The following STRN3 variants were observed in gnomAD, a reference collection of about 807,000 sequenced individuals.
STRN3 encodes the protein striatin 3, also known as striatin-3.
STRN3 carries 29 observed loss-of-function variants against 95.6 expected under a neutral mutation model. The ratio of observed to expected loss-of-function variants is 0.30; its 90% confidence interval spans 0.23 to 0.41. STRN3 has a LOEUF of 0.41. STRN3 is among the 10% of genes least tolerant of loss of function. The pLI is 1.00. For missense variants in STRN3, 890 were observed against 972.1 expected, an observed-to-expected ratio of 0.92 and a Z score of 1.12; for synonymous variants, 331 against 357.6, an observed-to-expected ratio of 0.93 and a Z score of 0.84.
chr14:30,974,621 A>AAC (rs1555322947), intron 1 of STRN3, among the ~76,000 whole-genome samples: 1 of 151,668 alleles, frequency 6.6e-6, no homozygotes, highest in Non-Finnish European at 1.5e-5. Context: ...AAAAAAAAAA[A>AAC]AACCTTGAAA....
intron 1 of STRN3, among the ~76,000 whole-genome samples, chr14:31,006,118 C>CA (rs370320880): frequency 0.32 from 24,159 of 74,716 alleles, 2,886 homozygotes; most frequent in Middle Eastern, 0.42. Flanking sequence ...GACTCTGTCT[C>CA]AAAAAAAAAA....
chr14:31,013,899 A>AGACAGAGTG, intron 1 of STRN3, among the ~76,000 whole-genome samples: 3 of 119,436 alleles, frequency 2.5e-5, no homozygotes, highest in Non-Finnish European at 2.0e-5. Context: ...TATTATTATT[A>AGACAGAGTG]TTATTATTAT....
chr14:31,017,910 T>C (rs1883317731), intron 1 of STRN3, among the ~76,000 whole-genome samples: 1 of 151,826 alleles, frequency 6.6e-6, no homozygotes, highest in African/African-American at 2.4e-5. Context: ...ACCCCGTATC[T>C]ACTAAAAATA....
At position 30,911,159 on chromosome 14, in the gene STRN3, G is replaced by T. The variant is rs1437488994; in HGVS notation, c.1602C>A (p.Gly534=). 4.3e-6 allele frequency: 7 copies of T among 1,609,838 alleles called. No homozygotes were observed. Among genetic ancestry groups the T allele is most frequent in the Non-Finnish European group, 5.9e-6 (7 of 1,179,104 alleles). The change falls in exon 13 of 18, where the codon GGC becomes GGA. Residue 534 remains glycine (G), a synonymous_variant. Transcript: ENST00000357479. ...AACTAATAGCTAATGACAGAACAGG[G>T]CCGCTATTGTAGGAAGAGAGGAAAA... ...EPIYTFRAHI[G]PVLSLAISSN...
chr14:31,013,545 A>G (rs1038211250), intron 1 of STRN3, among the ~76,000 whole-genome samples: 3 of 152,152 alleles, frequency 2.0e-5, no homozygotes, highest in African/African-American at 7.2e-5. Flanking sequence ...GGGGGGTGGT[A>G]GACAGGATCA....
chr14:30,955,198 A>G (rs1366405788), intron 3 of STRN3, among the ~76,000 whole-genome samples: 1 of 152,178 alleles, frequency 6.6e-6, no homozygotes, highest in Non-Finnish European at 1.5e-5. Context: ...TGGAAGCTCT[A>G]AAGTTCTGCT....
chr14:30,898,139 G>A (rs1470015651), intron 16 of STRN3, among the ~76,000 whole-genome samples: 5 of 152,058 alleles, frequency 3.3e-5, no homozygotes, highest in African/African-American at 1.2e-4. Context: ...ACCATGCCTG[G>A]CTAATTTTTA....
At chr14:30,929,968 A>AAAAC (rs1878437192) in intron 7 of STRN3, among the ~76,000 whole-genome samples, 2 of 121,944 alleles carry the variant, frequency 1.6e-5, no homozygotes, top group African/African-American at 5.7e-5. Flanking sequence ...AAAAAAAAAA[A>AAAAC]AAAAAAAAAA....
At chr14:31,010,362 T>C (rs952532795) in intron 1 of STRN3, among the ~76,000 whole-genome samples, 1 of 145,162 alleles carries the variant, frequency 6.9e-6, no homozygotes, top group African/African-American at 2.5e-5. Context: ...GTATATCTCC[T>C]AATGCTATCC....
chr14:30,972,059 G>C (rs1222094556), intron 1 of STRN3, among the ~76,000 whole-genome samples: 2 of 152,176 alleles, frequency 1.3e-5, no homozygotes, highest in Admixed American at 6.5e-5. Context: ...TGTTAGATAT[G>C]AGTTCTAAAT....
At chr14:30,940,620 C>T (rs888801798) in intron 5 of STRN3, among the ~76,000 whole-genome samples, 1 of 151,956 alleles carries the variant, frequency 6.6e-6, no homozygotes, top group Non-Finnish European at 1.5e-5. Context: ...TGATTATGGC[C>T]GCTGTATGGA....
chr14:30,950,873 G>A lies in STRN3; in HGVS notation c.532C>T (p.Leu178Phe). The A allele has an allele frequency of 2.5e-6, 4 of 1,613,754 alleles. No homozygotes were observed. The highest frequency in any genetic ancestry group is 3.4e-6 in the Non-Finnish European group (4 of 1,179,850). Residue 178 changes from leucine to phenylalanine, a missense_variant, in exon 4 of 18, where the codon CTT (leucine) becomes TTT (phenylalanine). Physicochemically the swap from Leu to Phe is conservative, Grantham distance 22. Coordinates refer to ENST00000357479, the MANE Select transcript of STRN3 (RefSeq NM_001083893.2). ...TAAGTAATTACTCACTGTCTTAAAAGCTGTCTGCCTTGCTTCCACGTTAAC... is the reference window on the plus strand; with the variant it reads ...TAAGTAATTACTCACTGTCTTAAAAACTGTCTGCCTTGCTTCCACGTTAAC... ...SQLTWKQGRQ[L>F]LRQYLQEVGY...
chr14:31,025,611 G>T, intron 1 of STRN3: 1 of 479,032 alleles, frequency 2.1e-6, no homozygotes. Context: ...CCGGAGGCCC[G>T]GGAAGGCCGC....
intron 1 of STRN3, among the ~76,000 whole-genome samples, chr14:30,973,380 GAGAC>G (rs1880933425): frequency 6.6e-6 from 1 of 151,742 alleles, no homozygotes; most frequent in South Asian, 2.1e-4. Flanking sequence ...GGGGGACAAA[GAGAC>G]AGAGAGAGAG....
At chr14:30,997,918 T>C (rs1252252419) in intron 1 of STRN3, among the ~76,000 whole-genome samples, 3 of 152,136 alleles carry the variant, frequency 2.0e-5, no homozygotes, top group East Asian at 1.9e-4. Flanking sequence ...TTCAAAACTG[T>C]AGAAATAAAC....
intron 8 of STRN3, among the ~76,000 whole-genome samples, chr14:30,922,707 T>C (rs1896915156): frequency 6.6e-6 from 1 of 152,218 alleles, no homozygotes; most frequent in Non-Finnish European, 1.5e-5. Flanking sequence ...TCATGTTTGC[T>C]AGATCTGTTC....
intron 1 of STRN3, among the ~76,000 whole-genome samples, chr14:31,024,425 G>A (rs1009718410): frequency 3.3e-5 from 5 of 152,146 alleles, no homozygotes; most frequent in Admixed American, 3.3e-4. Flanking sequence ...AAAGCAGACT[G>A]TACACAACTT....
At chr14:30,952,766 A>C (rs1023116776) in intron 3 of STRN3, among the ~76,000 whole-genome samples, 6 of 152,226 alleles carry the variant, frequency 3.9e-5, no homozygotes, top group Non-Finnish European at 8.8e-5. Flanking sequence ...TTCCAGAAAT[A>C]ATTATTTCAT....
At chr14:30,902,345 G>C (rs556036042) in intron 16 of STRN3, among the ~76,000 whole-genome samples, 191 bp downstream of exon 16, 20 of 152,044 alleles carry the variant, frequency 1.3e-4, no homozygotes, top group Admixed American at 5.9e-4. Flanking sequence ...GCTAGGCAAG[G>C]TATTATGTCT....
Sources: gnomAD v4.1 joint callset for allele counts (sites outside exome capture counted in the v4.1 genomes callset) on GRCh38, gnomAD v4.1.1 for gene constraint, MANE v1.5 for transcripts, NCBI Gene and HGNC (gene_info 2026-07-23, HGNC 2026-07-21) for gene names.